HECW2: variants seen among roughly 807,000 people sequenced by gnomAD.
HECW2 encodes E3 ubiquitin-protein ligase HECW2.
A neutral mutation model predicts 175.2 loss-of-function variants in HECW2; 61 were observed. The ratio of observed to expected loss-of-function variants is 0.35; its 90% CI spans 0.28 to 0.43. The LOEUF is 0.43. Among genes scored for constraint, HECW2 ranks in the 20% least tolerant of loss-of-function variants. The pLI is 1.00. For missense variants in HECW2, 1,524 were observed against 2,000.5 expected, an observed-to-expected ratio of 0.76 and a Z score of 4.54; for synonymous variants, 671 against 731.0, an observed-to-expected ratio of 0.92 and a Z score of 1.32.
At position 196,306,599 on chromosome 2, in the gene HECW2, C is replaced by T. The variant is rs1489563766; in HGVS notation, c.2703G>A (p.Glu901=). Reference sequence around the variant, plus strand: ...TGGAGGTAGAGTGAGGCAGGATGTTCTCCCGTCGGAAATCTAGATGGGGCA... The same window carrying T: ...TGGAGGTAGAGTGAGGCAGGATGTTTTCCCGTCGGAAATCTAGATGGGGCA... ...FHQASADFRR[E]NILPHSTSRS... Residue 901 remains glutamate (E), a synonymous_variant, in exon 13 of 29, where the codon GAG becomes GAA. Transcript: ENST00000644978. 4 of 1,611,866 alleles carry T rather than the reference C, an allele frequency of 2.5e-6. No homozygotes were observed. Among genetic ancestry groups the T allele is most frequent in the Non-Finnish European group, 3.4e-6 (4 of 1,179,084 alleles).
chr2:196,264,827 C>T (rs977547346), intron 17 of HECW2, among the ~76,000 whole-genome samples: 6 of 152,198 alleles, frequency 3.9e-5, no homozygotes, highest in Admixed American at 1.3e-4. Flanking sequence ...ATGACTAGCA[C>T]TTATTCCTTT....
Position 196,592,819 on chromosome 2 carries a change from C to T in HECW2, c.-36+689G>A, listed in dbSNP as rs1236014431. On this transcript the variant is annotated intron_variant, in intron 1 of 28. Transcript: ENST00000644978. ...CAAGCTGCGGGTGGGGACCCGGCCG[C>T]GGGGCGGGAGGGCGCCCCCAAAGTC... is the stretch of plus-strand genomic sequence containing the variant. The T allele has an allele frequency of 9.9e-5, 15 of 151,086 alleles. No individual in the cohort carries two copies. In the South Asian group the frequency reaches 1.2e-3, roughly 13 times the overall value. 9.4% of individuals were successfully genotyped at this position (151,086 alleles called of 1,614,324 possible). A position where few individuals can be genotyped will look rare whatever the true frequency, so the allele number is the denominator to read the frequency against.
chr2:196,458,264 C>G (rs1696593372), intron 1 of HECW2, among the ~76,000 whole-genome samples: 1 of 152,146 alleles, frequency 6.6e-6, no homozygotes, highest in African/African-American at 2.4e-5. Flanking sequence ...GAGCAAAACC[C>G]TGTCTCTAAG....
chr2:196,302,373 T>C (rs1691095757), intron 13 of HECW2, among the ~76,000 whole-genome samples: 1 of 152,204 alleles, frequency 6.6e-6, no homozygotes, highest in Non-Finnish European at 1.5e-5. Context: ...TTGTTCTTGT[T>C]GTTTAGGATT....
intron 2 of HECW2, among the ~76,000 whole-genome samples, chr2:196,385,891 T>C (rs1432192117): frequency 2.0e-5 from 3 of 152,230 alleles, no homozygotes; most frequent in Non-Finnish European, 4.4e-5. Context: ...TTAGGTATGT[T>C]TCATTGAATG....
chr2:196,575,080 C>CAAAAAAAAA (rs1164886570), intron 1 of HECW2, among the ~76,000 whole-genome samples: 28 of 29,850 alleles, frequency 9.4e-4, no homozygotes, highest in African/African-American at 4.4e-3. Flanking sequence ...GGCCTTGTCT[C>CAAAAAAAAA]AAAAAAAAAA....
At chr2:196,369,589 C>T (rs998424314) in intron 2 of HECW2, among the ~76,000 whole-genome samples, 1 of 152,044 alleles carries the variant, frequency 6.6e-6, no homozygotes, top group African/African-American at 2.4e-5. Context: ...GCTAGCCAAG[C>T]TTGTGTCTTT....
chr2:196,557,674 A>G (rs934909691), intron 1 of HECW2, among the ~76,000 whole-genome samples: 1 of 152,214 alleles, frequency 6.6e-6, no homozygotes, highest in African/African-American at 2.4e-5. Context: ...AAATAAAATG[A>G]CATTAAAATC....
intron 1 of HECW2, among the ~76,000 whole-genome samples, chr2:196,566,942 C>T (rs948546113): frequency 6.6e-6 from 1 of 152,124 alleles, no homozygotes; most frequent in Non-Finnish European, 1.5e-5. Flanking sequence ...GATTGCTAGG[C>T]ATTCCCCAAA....
intron 26 of HECW2, 80 bp from the exon 27 acceptor site, chr2:196,217,173 C>T: frequency 2.1e-6 from 2 of 939,658 alleles, no homozygotes; most frequent in Non-Finnish European, 3.3e-6. Flanking sequence ...CGAAGAGTCC[C>T]CAGACATAAA....
intron 2 of HECW2, among the ~76,000 whole-genome samples, chr2:196,366,057 A>G (rs1425399869): frequency 6.6e-6 from 1 of 152,218 alleles, no homozygotes; most frequent in Non-Finnish European, 1.5e-5. Context: ...ACGCTCAGTA[A>G]TTAAGAATCA....
chr2:196,202,986 T>C (rs1019888741), intron 28 of HECW2, among the ~76,000 whole-genome samples: 1 of 152,176 alleles, frequency 6.6e-6, no homozygotes, highest in Non-Finnish European at 1.5e-5. Flanking sequence ...ATAATTTGGT[T>C]CATGAAACAA....
rs1000775099 is a variant in HECW2 at position 196,196,681 on chromosome 2, C to G, written c.*4596G>C. 6.6e-6 allele frequency: 1 copy of G among 152,560 alleles called. No homozygotes were observed. The highest frequency in any genetic ancestry group is 1.5e-5 in the Non-Finnish European group (1 of 68,342). The allele number at this position is 152,560 out of a possible 1,614,324, so 9.5% of individuals were successfully genotyped here. A position where few individuals can be genotyped will look rare whatever the true frequency, so the allele number is the denominator to read the frequency against. On this transcript the variant is annotated 3_prime_UTR_variant, in exon 29 of 29. Transcript: ENST00000644978. ...GGGCATGGTGGTGCATGCCTGTAGT[C>G]CTAGCTACTCGGAGGCTGAGGTGGG...
chr2:196,256,254 C>T (rs574979460), intron 18 of HECW2, among the ~76,000 whole-genome samples: 1 of 152,082 alleles, frequency 6.6e-6, no homozygotes, highest in Non-Finnish European at 1.5e-5. Context: ...CATTTGTATA[C>T]AATAATTATA....
intron 6 of HECW2, 98 bp downstream of exon 6, chr2:196,324,882 T>C (rs1044790800): frequency 1.1e-5 from 11 of 1,029,952 alleles, no homozygotes; most frequent in Admixed American, 1.0e-4. Flanking sequence ...CCCTAGACAC[T>C]TCATAAACAA....
intron 1 of HECW2, among the ~76,000 whole-genome samples, chr2:196,438,532 G>A (rs774603093): frequency 2.6e-5 from 4 of 152,094 alleles, no homozygotes; most frequent in Admixed American, 2.6e-4. Context: ...TACAGGACCG[G>A]GAAGTACAGA....
At chr2:196,400,268 T>C (rs1253473440) in intron 2 of HECW2, among the ~76,000 whole-genome samples, 3 of 152,174 alleles carry the variant, frequency 2.0e-5, no homozygotes, top group African/African-American at 7.2e-5. Context: ...ACTGCCAACA[T>C]TGCAAAGAAA....
intron 2 of HECW2, among the ~76,000 whole-genome samples, chr2:196,430,666 T>G (rs1028212224): frequency 2.6e-5 from 4 of 152,102 alleles, no homozygotes; most frequent in African/African-American, 4.8e-5. Context: ...TGGGTGGGAC[T>G]GACAACAGAA....
At position 196,433,478 on chromosome 2, in the gene HECW2, A is replaced by G; in HGVS notation, c.-35-20T>C. ...ACAAAGCTGCAAGAGACAGATAAACATAAAACATTAGTGCTACAATACGAA... is the reference window on the plus strand; with the variant it reads ...ACAAAGCTGCAAGAGACAGATAAACGTAAAACATTAGTGCTACAATACGAA... On this transcript the variant is annotated intron_variant, in intron 1 of 28. Coordinates refer to ENST00000644978, the MANE Select transcript of HECW2 (RefSeq NM_001348768.2). 4 of 1,549,586 alleles carry G rather than the reference A, an allele frequency of 2.6e-6. No individual in the cohort carries two copies. The highest frequency in any genetic ancestry group is 2.3e-5 in the East Asian group (1 of 44,316).
Sources: allele counts gnomAD v4.1 joint callset (sites outside exome capture counted in the v4.1 genomes callset), GRCh38; gene constraint gnomAD v4.1.1; transcripts MANE v1.5; gene names NCBI Gene and HGNC (gene_info 2026-07-23, HGNC 2026-07-21).